Variants in CLSTN2 observed in about 807,000 individuals in gnomAD.
CLSTN2 encodes the protein calsyntenin-2.
Under a neutral mutation model 101.2 loss-of-function variants are expected in CLSTN2, and 48 were observed. The ratio of observed to expected loss-of-function variants is 0.47; its 90% CI spans 0.38 to 0.60. CLSTN2 has a LOEUF of 0.60. CLSTN2 is among the 20% of genes least tolerant of loss of function. CLSTN2 has a pLI of 0.00. For synonymous variants in CLSTN2, 481 were observed against 463.6 expected (o/e 1.04, Z -0.48); for missense variants, 1,160 against 1,238.2 (o/e 0.94, Z 0.95).
chr3:140,164,998 G>A (rs971802604), intron 1 of CLSTN2, among the ~76,000 whole-genome samples: 2 of 151,968 alleles, frequency 1.3e-5, no homozygotes, highest in Non-Finnish European at 2.9e-5. Flanking sequence ...AGGAAGGAAA[G>A]CAATGTTCTG....
chr3:140,003,519 A>T lies in CLSTN2; in HGVS notation c.109+68036A>T, dbSNP rs144631649. ...TTCCTTTCCAATTTGGATGCCCTTT[A>T]TACCTTTCTCTTTTCTGATTGCTCC... On this transcript the variant is annotated intron_variant, in intron 1 of 16. Coordinates refer to ENST00000458420, the MANE Select transcript of CLSTN2 (RefSeq NM_022131.3). Among the ~76,000 whole-genome samples, 41 of 152,256 alleles carry T rather than the reference A, an allele frequency of 2.7e-4. 1 individual carries two copies. The East Asian group carries it at 7.7e-3, about 29-fold the overall frequency.
intron 1 of CLSTN2, among the ~76,000 whole-genome samples, chr3:140,099,663 C>T (rs2008932447): frequency 6.6e-6 from 1 of 152,230 alleles, no homozygotes. Context: ...TCCCATAGTC[C>T]CTCTGTCTGC....
intron 5 of CLSTN2, among the ~76,000 whole-genome samples, chr3:140,444,556 T>C (rs958995906): frequency 6.6e-6 from 1 of 152,186 alleles, no homozygotes; most frequent in African/African-American, 2.4e-5. Flanking sequence ...AAAGGATAGG[T>C]ATAAAAGTGC....
chr3:139,951,134 G>A (rs1935287590), intron 1 of CLSTN2, among the ~76,000 whole-genome samples: 1 of 152,136 alleles, frequency 6.6e-6, no homozygotes, highest in Non-Finnish European at 1.5e-5. Context: ...GAACTGTGGG[G>A]CTCTAGATGG....
At chr3:140,303,170 C>A (rs2087077252) in intron 2 of CLSTN2, among the ~76,000 whole-genome samples, 1 of 152,212 alleles carries the variant, frequency 6.6e-6, no homozygotes, top group Non-Finnish European at 1.5e-5. Flanking sequence ...AGAGCATGAA[C>A]ATCTTTGAGT....
chr3:140,092,771 C>G (rs756313612), intron 1 of CLSTN2, among the ~76,000 whole-genome samples: 3 of 152,160 alleles, frequency 2.0e-5, no homozygotes, highest in Non-Finnish European at 4.4e-5. Context: ...ATCCAGTGCT[C>G]ACCACCTTGA....
At chr3:140,247,511 C>G (rs2086527949) in intron 2 of CLSTN2, among the ~76,000 whole-genome samples, 1 of 152,168 alleles carries the variant, frequency 6.6e-6, no homozygotes, top group African/African-American at 2.4e-5. Flanking sequence ...AACTGGCATA[C>G]CAGGTAGATT....
intron 2 of CLSTN2, among the ~76,000 whole-genome samples, chr3:140,208,166 A>G (rs1559806871): frequency 1.3e-5 from 2 of 152,170 alleles, no homozygotes; most frequent in African/African-American, 2.4e-5. Flanking sequence ...CTAAGCAAAA[A>G]CAAAGGTTCT....
intron 5 of CLSTN2, among the ~76,000 whole-genome samples, chr3:140,434,783 GT>G (rs1202794361): frequency 1.3e-5 from 2 of 152,216 alleles, no homozygotes; most frequent in Non-Finnish European, 2.9e-5. Flanking sequence ...AGGCATTTGT[GT>G]TGCAGAGAAG....
chr3:140,110,119 C>A (rs917732639), intron 1 of CLSTN2, among the ~76,000 whole-genome samples: 1 of 152,190 alleles, frequency 6.6e-6, no homozygotes, highest in Admixed American at 6.5e-5. Flanking sequence ...TTAAAATCTG[C>A]AAATATTGGA....
chr3:140,478,872 GAGGAAGGAAGGAAGGA>G (rs34907334), intron 8 of CLSTN2, among the ~76,000 whole-genome samples: 10 of 141,518 alleles, frequency 7.1e-5, no homozygotes, highest in Non-Finnish European at 1.1e-4. Context: ...AAGGGGGAAG[GAGGAAGGAAGGAAGGA>G]AGGAAGGAAG....
chr3:140,053,107 G>A (rs2008029245), intron 1 of CLSTN2, among the ~76,000 whole-genome samples: 1 of 152,160 alleles, frequency 6.6e-6, no homozygotes, highest in Admixed American at 6.5e-5. Context: ...TCTCGGGTGA[G>A]GGAGGACATG....
chr3:140,119,458 C>A (rs114490040), intron 1 of CLSTN2, among the ~76,000 whole-genome samples: 21 of 152,264 alleles, frequency 1.4e-4, no homozygotes, highest in African/African-American at 4.6e-4. Context: ...TAGTGTAAGC[C>A]GTTAATTATA....
intron 1 of CLSTN2, among the ~76,000 whole-genome samples, chr3:140,159,093 G>A (rs1012393059): frequency 2.6e-5 from 4 of 152,188 alleles, no homozygotes; most frequent in Admixed American, 2.6e-4. Flanking sequence ...GAAAACCTAC[G>A]AAATATTCTT....
chr3:140,222,892 T>C (rs1337071177), intron 2 of CLSTN2, among the ~76,000 whole-genome samples: 1 of 124,336 alleles, frequency 8.0e-6, no homozygotes, highest in South Asian at 2.6e-4. Flanking sequence ...AAAAAAACAC[T>C]GCTATGCCAG....
chr3:140,090,819 A>G (rs953492200), intron 1 of CLSTN2, among the ~76,000 whole-genome samples: 3 of 152,270 alleles, frequency 2.0e-5, no homozygotes, highest in Admixed American at 6.5e-5. Context: ...AAGATAGACC[A>G]TTAAAGGAGG....
intron 15 of CLSTN2, 23 bp from the exon 16 acceptor site, chr3:140,563,938 T>A: frequency 1.2e-6 from 2 of 1,611,082 alleles, no homozygotes; most frequent in South Asian, 2.2e-5. Flanking sequence ...CACCATGTCA[T>A]GCGAGTTTTT....
intron 7 of CLSTN2, among the ~76,000 whole-genome samples, chr3:140,460,095 G>A (rs1467214868): frequency 6.6e-6 from 1 of 152,060 alleles, no homozygotes; most frequent in Non-Finnish European, 1.5e-5. Context: ...GTGAGATGGG[G>A]GTGAGAGAGG....
chr3:139,985,254 C>T (rs74732440), intron 1 of CLSTN2, among the ~76,000 whole-genome samples: 1 of 152,296 alleles, frequency 6.6e-6, no homozygotes, highest in Non-Finnish European at 1.5e-5. Context: ...TAAACTCAGC[C>T]ATGATGTGCA....
Sources: gnomAD v4.1 joint callset for allele counts (sites outside exome capture counted in the v4.1 genomes callset) on GRCh38, gnomAD v4.1.1 for gene constraint, MANE v1.5 for transcripts, NCBI Gene and HGNC (gene_info 2026-07-23, HGNC 2026-07-21) for gene names.